Variants in SNAP47 observed in about 807,000 individuals in gnomAD.
The protein encoded by SNAP47 is synaptosome associated protein 47, also known as synaptosomal-associated protein 47.
In SNAP47, 20 loss-of-function variants were observed where a neutral mutation model predicts 31.4. That is an observed-to-expected ratio of 0.64 (90% confidence interval 0.45 to 0.93). The LOEUF is 0.93. SNAP47 is among the 40% of genes least tolerant of loss of function. The pLI, the probability that SNAP47 is intolerant of heterozygous loss-of-function variation, is 0.00. For synonymous variants in SNAP47, 194 were observed against 213.4 expected (o/e 0.91, Z 0.79); for missense variants, 492 against 528.5 (o/e 0.93, Z 0.68).
upstream of SNAP47, chr1:227,735,113 G>A: frequency 6.3e-7 from 1 of 1,576,602 alleles, no homozygotes; most frequent in South Asian, 1.2e-5. Flanking sequence ...AAACACGCAG[G>A]GCAGGTTGGG....
At chr1:227,776,860 T>C in intron 4 of SNAP47, 1 of 985,432 alleles carries the variant, frequency 1.0e-6, no homozygotes, top group Non-Finnish European at 1.2e-6. Context: ...TTGGAATGAG[T>C]TCTCTTTTAA....
chr1:227,776,177 C>T, intron 4 of SNAP47: 1 of 1,135,830 alleles, frequency 8.8e-7, no homozygotes, highest in Non-Finnish European at 1.1e-6. Context: ...CAGAGTCTGG[C>T]CATGGGTCTG....
chr1:227,749,897 T>C (rs1365625296), intron 2 of SNAP47, among the ~76,000 whole-genome samples: 1 of 152,236 alleles, frequency 6.6e-6, no homozygotes, highest in Non-Finnish European at 1.5e-5. Context: ...TTTTATTATT[T>C]CTTGAAAAGT....
At chr1:227,732,531 A>C (rs780847189), upstream of SNAP47, 4 of 1,613,384 alleles carry the variant, frequency 2.5e-6, no homozygotes, top group South Asian at 1.1e-5. Context: ...GATGCGCCCA[A>C]CATCAAAGGC....
chr1:227,747,056 T>C (rs1662009907), intron 1 of SNAP47: 1 of 152,300 alleles, frequency 6.6e-6, no homozygotes, highest in Non-Finnish European at 1.5e-5. Context: ...TGCTTGCAGC[T>C]ATGTAAAACT....
At chr1:227,734,121 C>T, upstream of SNAP47, 1 of 1,451,426 alleles carries the variant, frequency 6.9e-7, no homozygotes, top group Non-Finnish European at 9.3e-7. Flanking sequence ...GACCAATCGG[C>T]TCCAGTGGAG....
At chr1:227,774,485 G>A (rs1039645469) in intron 4 of SNAP47, among the ~76,000 whole-genome samples, 4 of 152,180 alleles carry the variant, frequency 2.6e-5, no homozygotes, top group African/African-American at 9.6e-5. Flanking sequence ...CTGCTGCTGA[G>A]CTGTGTGTCA....
At chr1:227,740,340 T>C (rs1661510292) in intron 1 of SNAP47, among the ~76,000 whole-genome samples, 1 of 152,138 alleles carries the variant, frequency 6.6e-6, no homozygotes, top group Non-Finnish European at 1.5e-5. Flanking sequence ...GGGAAAGGCT[T>C]TGGGCAGAGA....
chr1:227,734,772 T>C, upstream of SNAP47: 1 of 1,614,130 alleles, frequency 6.2e-7, no homozygotes, highest in Non-Finnish European at 8.5e-7. Context: ...GGGTTCGAGT[T>C]GTATTCCTGG....
chr1:227,728,996 T>C (rs1037377123), intron 1 of SNAP47, among the ~76,000 whole-genome samples: 3 of 152,048 alleles, frequency 2.0e-5, no homozygotes, highest in African/African-American at 7.2e-5. Context: ...TGCGGCTCTC[T>C]AGGTGGGGCG....
chr1:227,732,623 G>T, upstream of SNAP47: 1 of 1,613,466 alleles, frequency 6.2e-7, no homozygotes. Context: ...CGATGACCTT[G>T]AGGAAGTGGT....
upstream of SNAP47, chr1:227,734,414 C>T (rs2102868059): frequency 3.0e-6 from 1 of 328,288 alleles, no homozygotes; most frequent in Middle Eastern, 8.8e-4. Flanking sequence ...ATCCCAGGTA[C>T]TAGGGAGGCT....
Position 227,767,095 on chromosome 1 carries a change from C to G in SNAP47, c.1113+12C>G, listed in dbSNP as rs113250793. The G allele has an allele frequency of 2.2e-5, 35 of 1,613,864 alleles. 2 individuals are homozygous for G. In the African/African-American group the frequency reaches 3.1e-4, roughly 14 times the overall value. ...AGGAACTAACCCAGGTAAGATGTCC[C>G]CAGTGCCATGCCAGCCAGCGCTGTG... On this transcript the variant is annotated intron_variant, in intron 4 of 4. Coordinates refer to ENST00000617596, the MANE Select transcript of SNAP47 (RefSeq NM_053052.4).
chr1:227,733,489 TG>T, upstream of SNAP47: 1 of 1,594,116 alleles, frequency 6.3e-7, no homozygotes, highest in Non-Finnish European at 8.5e-7. Context: ...TCTCCAAGGG[TG>T]GGCCAGCAAG....
intron 4 of SNAP47, among the ~76,000 whole-genome samples, chr1:227,774,869 G>A (rs763046155): frequency 1.3e-5 from 2 of 152,210 alleles, no homozygotes; most frequent in Non-Finnish European, 2.9e-5. Context: ...CTCTTAATGG[G>A]AATCTCCATC....
In SNAP47 at chr1:227,768,116, G is replaced by C. The variant is rs12564929; in HGVS notation, c.1113+1033G>C. The C allele has an allele frequency of 3.9e-3, 743 of 191,904 alleles. 18 individuals are homozygous for C. The South Asian group carries it at 0.054, about 14-fold the overall frequency. 11.9% of individuals were successfully genotyped at this position (191,904 alleles called of 1,614,324 possible). A position where few individuals can be genotyped will look rare whatever the true frequency, so the allele number is the denominator to read the frequency against. The stretch of plus-strand genomic sequence containing the variant: ...CCACTGTCGCCTTAGGAAACAGGAA[G>C]TCATTCCTCAGCACCATCCAGTATC... On this transcript the variant is annotated intron_variant, in intron 4 of 4. Coordinates refer to ENST00000617596, the MANE Select transcript of SNAP47 (RefSeq NM_053052.4).
At chr1:227,776,999 T>G (rs1418022542) in intron 4 of SNAP47, 1 of 985,356 alleles carries the variant, frequency 1.0e-6, no homozygotes, top group Non-Finnish European at 1.2e-6. Context: ...ACAAATAAAT[T>G]GTGCATATTA....
chr1:227,780,470 CTG>C, intron 4 of SNAP47, 55 bp from the exon 5 acceptor site: 2 of 1,604,512 alleles, frequency 1.2e-6, no homozygotes, highest in South Asian at 1.1e-5. Flanking sequence ...GAGATGTTGT[CTG>C]TGCTAGAGTT....
At chr1:227,739,183 C>T (rs1230223714) in intron 1 of SNAP47, among the ~76,000 whole-genome samples, 3 of 152,074 alleles carry the variant, frequency 2.0e-5, no homozygotes, top group Non-Finnish European at 4.4e-5. Context: ...TGTTTTAAAA[C>T]GGGGTCTTCC....
Sources: allele counts gnomAD v4.1 joint callset (sites outside exome capture counted in the v4.1 genomes callset), GRCh38; gene constraint gnomAD v4.1.1; transcripts MANE v1.5; gene names NCBI Gene and HGNC (gene_info 2026-07-23, HGNC 2026-07-21).